Variants in ACTL6A observed in about 807,000 individuals in gnomAD.
The protein encoded by ACTL6A is actin-like protein 6A.
Under a neutral mutation model 59.2 loss-of-function variants are expected in ACTL6A, and 5 were observed. The ratio of observed to expected loss-of-function variants is 0.08; its 90% CI spans 0.04 to 0.18. The LOEUF is 0.18. ACTL6A is among the 10% of genes least tolerant of loss of function. The pLI, the probability that ACTL6A is intolerant of heterozygous loss-of-function variation, is 1.00. For missense variants in ACTL6A, 285 were observed against 526.9 expected, an observed-to-expected ratio of 0.54 and a Z score of 4.49; for synonymous variants, 154 against 171.8, an observed-to-expected ratio of 0.90 and a Z score of 0.81.
intron 12 of ACTL6A, 194 bp from the exon 13 acceptor site, chr3:179,586,351 CA>C (rs35045240): frequency 0.091 from 38,306 of 419,716 alleles, 1,964 homozygotes; most frequent in South Asian, 0.17. Flanking sequence ...TGGCTGGGTG[CA>C]AGTGGCTCAT....
At chr3:179,582,714 C>G (rs1456583766) in intron 11 of ACTL6A, among the ~76,000 whole-genome samples, 1 of 150,530 alleles carries the variant, frequency 6.6e-6, no homozygotes, top group African/African-American at 2.5e-5. Context: ...TACAGATAAG[C>G]ATTCTTTTTC....
At chr3:179,571,190 T>C (rs1197524672) in intron 3 of ACTL6A, among the ~76,000 whole-genome samples, 2 of 151,956 alleles carry the variant, frequency 1.3e-5, no homozygotes, top group African/African-American at 4.8e-5. Flanking sequence ...AGGCTGAGAC[T>C]GTGGGTGGAT....
rs746137886 is a variant in ACTL6A at position 179,576,846 on chromosome 3, C to T, written c.701C>T (p.Pro234Leu). 21 of 1,613,880 alleles carry T rather than the reference C, an allele frequency of 1.3e-5. No individual in the cohort carries two copies. Among genetic ancestry groups the T allele is most frequent in the Admixed American group, 1.2e-4 (7 of 59,974 alleles). Residue 234 changes from proline to leucine, a missense_variant, in exon 8 of 14, where the codon CCA (proline) becomes CTA (leucine). Pro to Leu is a moderately conservative substitution (Grantham distance 98, BLOSUM62 -3). Transcript: ENST00000429709. ...CAGGAAGCTGTTCGTGAAGGATCTC[C>T]AGCAAACTGGAAAAGAAAAGAGAAG... The part of the protein sequence containing the change: ...ASKEAVREGS[P>L]ANWKRKEKLP...
At chr3:179,575,463 C>T in intron 5 of ACTL6A, 1 of 456,626 alleles carries the variant, frequency 2.2e-6, no homozygotes, top group South Asian at 1.5e-5. Context: ...AGTTTTGGTG[C>T]ACCATTGTGT....
chr3:179,568,937 T>C (rs553413759), intron 1 of ACTL6A, among the ~76,000 whole-genome samples: 12 of 152,238 alleles, frequency 7.9e-5, no homozygotes, highest in Non-Finnish European at 1.8e-4. Context: ...AATAAATTGC[T>C]CAGTTCTTGT....
chr3:179,565,338 G>A (rs914274907), intron 1 of ACTL6A, among the ~76,000 whole-genome samples: 2 of 151,696 alleles, frequency 1.3e-5, no homozygotes, highest in Non-Finnish European at 1.5e-5. Flanking sequence ...TGGGGAGGCC[G>A]AGGCACAAGA....
intron 5 of ACTL6A, 126 bp downstream of exon 5, chr3:179,574,593 G>T: frequency 1.4e-6 from 1 of 699,146 alleles, no homozygotes; most frequent in Non-Finnish European, 2.6e-6. Flanking sequence ...CTTTTCTCTT[G>T]CTTTTTAGCT....
intron 8 of ACTL6A, among the ~76,000 whole-genome samples, chr3:179,579,076 C>T (rs113073433): frequency 0.022 from 3,403 of 152,240 alleles, 134 homozygotes; most frequent in African/African-American, 0.079. Context: ...AAATAATAGC[C>T]ATTCTGACTG....
chr3:179,568,149 G>A (rs1717894168), intron 1 of ACTL6A, among the ~76,000 whole-genome samples: 1 of 144,984 alleles, frequency 6.9e-6, no homozygotes, highest in Non-Finnish European at 1.5e-5. Context: ...TCCAGCCTGG[G>A]CAGCAATACA....
rs769454264 is a variant in ACTL6A at position 179,574,376 on chromosome 3, A to G, written c.385A>G (p.Thr129Ala). ...PVLMSEAPWN[T>A]RAKREKLTEL... ...TTTTTCCCCTCTTCTCAAGTGGAAT[A>G]CTAGAGCAAAGAGAGAGAAACTGAC... The change falls in exon 5 of 14, where the codon ACT becomes GCT. Residue 129 changes from threonine to alanine, a missense_variant. By Grantham distance (58) the Thr-to-Ala change is moderately conservative (BLOSUM62 0). Coordinates refer to ENST00000429709, the MANE Select transcript of ACTL6A (RefSeq NM_004301.5). The G allele has an allele frequency of 6.6e-5, 106 of 1,605,854 alleles. No homozygotes were observed. The highest frequency in any genetic ancestry group is 8.7e-5 in the Non-Finnish European group (102 of 1,172,900).
intron 1 of ACTL6A, among the ~76,000 whole-genome samples, chr3:179,564,915 G>A (rs1717785470): frequency 1.3e-5 from 2 of 148,626 alleles, no homozygotes; most frequent in Admixed American, 6.7e-5. Flanking sequence ...ATAGAGATGG[G>A]TCTTGAACTC....
chr3:179,576,113 C>T, intron 5 of ACTL6A, 104 bp from the exon 6 acceptor site: 2 of 773,014 alleles, frequency 2.6e-6, no homozygotes, highest in Admixed American at 2.3e-5. Context: ...CTATAAGGTA[C>T]ATGTTTAAGA....
At chr3:179,567,285 G>C (rs991465182) in intron 1 of ACTL6A, among the ~76,000 whole-genome samples, 1 of 152,186 alleles carries the variant, frequency 6.6e-6, no homozygotes, top group Non-Finnish European at 1.5e-5. Flanking sequence ...AGAATCACTT[G>C]AACCCCGGAG....
chr3:179,572,608 C>T (rs1256260376), intron 3 of ACTL6A, among the ~76,000 whole-genome samples: 1 of 152,036 alleles, frequency 6.6e-6, no homozygotes, highest in Non-Finnish European at 1.5e-5. Flanking sequence ...AGTTCGAGAC[C>T]AGCCTGGCCA....
chr3:179,576,350 G>T, intron 6 of ACTL6A, 39 bp downstream of exon 6: 2 of 1,423,960 alleles, frequency 1.4e-6, no homozygotes, highest in Non-Finnish European at 1.9e-6. Context: ...GATGATTTTA[G>T]ATGCCATGAG....
At chr3:179,563,620 A>T (rs1717739815) in intron 1 of ACTL6A, among the ~76,000 whole-genome samples, 1 of 152,168 alleles carries the variant, frequency 6.6e-6, no homozygotes, top group African/African-American at 2.4e-5. Context: ...AGAACTGACT[A>T]GGGAAGCGGC....
At position 179,581,018 on chromosome 3, in the gene ACTL6A, C is replaced by T; in HGVS notation, c.945+10C>T. The T allele has an allele frequency of 6.3e-7, 1 of 1,597,186 alleles. No homozygotes were observed. Among genetic ancestry groups the T allele is most frequent in the African/African-American group, 1.4e-5 (1 of 73,662 alleles). On this transcript the variant is annotated intron_variant, in intron 10 of 13. Coordinates refer to ENST00000429709, the MANE Select transcript of ACTL6A (RefSeq NM_004301.5). ...CCCTTCCAATGTAAAGGTATAAAAG[C>T]TTATTTCATAATTAGCCTGGCTTTT...
intron 11 of ACTL6A, 151 bp downstream of exon 11, chr3:179,581,371 A>G: frequency 1.5e-6 from 1 of 665,026 alleles, no homozygotes; most frequent in South Asian, 2.2e-5. Context: ...AAGATGAAGT[A>G]CTAGAAAAGG....
At chr3:179,564,748 T>C (rs73048707) in intron 1 of ACTL6A, among the ~76,000 whole-genome samples, 2,888 of 152,324 alleles carry the variant, frequency 0.019, 71 homozygotes, top group African/African-American at 0.057. Context: ...GAGTACTTGC[T>C]ATGTGGCAGG....
Sources: allele counts gnomAD v4.1 joint callset (sites outside exome capture counted in the v4.1 genomes callset), GRCh38; gene constraint gnomAD v4.1.1; transcripts MANE v1.5; gene names NCBI Gene and HGNC (gene_info 2026-07-23, HGNC 2026-07-21).